DMXL1: variants seen among roughly 807,000 people sequenced by gnomAD.
The protein encoded by DMXL1 is dmX-like protein 1.
A neutral mutation model predicts 319.2 loss-of-function variants in DMXL1; 99 were observed. The observed-to-expected ratio is 0.31, with a 90% CI of 0.26 to 0.37. The LOEUF (loss-of-function observed/expected upper bound fraction) is 0.37, where lower values mean the gene tolerates loss of function less well. DMXL1 is among the 10% of genes least tolerant of loss of function. DMXL1 has a pLI of 1.00. For synonymous variants in DMXL1, 1,385 were observed against 1,235.2 expected (o/e 1.12, Z -2.54); for missense variants, 3,745 against 3,595.6 (o/e 1.04, Z -1.06).
chr5:119,196,450 C>T lies in DMXL1; in HGVS notation c.7537C>T (p.Leu2513Phe). Residue 2513 changes from leucine to phenylalanine, a missense_variant, in exon 31 of 44, where the codon CTT becomes TTT. Around this residue, in one of 4 missense-constraint regions of DMXL1, gnomAD observed 1,382 missense variants for 1,269.5 expected, o/e 1.09. Transcript: ENST00000539542. Reference sequence around the variant, plus strand: ...TTTTTATCCCTTCGCAGGTCATGATCTTGCAGGTAATAAATAGCTCAACAT... The same window carrying T: ...TTTTTATCCCTTCGCAGGTCATGATTTTGCAGGTAATAAATAGCTCAACAT... ...KTFYPFAGHD[L>F]AELPVSSPLC... The T allele has an allele frequency of 6.2e-7, 1 of 1,607,788 alleles. No homozygotes were observed. Among genetic ancestry groups the T allele is most frequent in the Non-Finnish European group, 8.5e-7 (1 of 1,177,060 alleles).
At chr5:119,110,015 C>A (rs1041867957) in intron 4 of DMXL1, 136 bp from the exon 5 acceptor site, 2 of 654,742 alleles carry the variant, frequency 3.1e-6, no homozygotes, top group Non-Finnish European at 5.1e-6. Flanking sequence ...AAAATACAGC[C>A]TTCTCCTCCG....
In DMXL1 at chr5:119,129,202, C is replaced by A; in HGVS notation, c.1103-9C>A. 1 of 1,519,164 alleles carries A rather than the reference C, an allele frequency of 6.6e-7. No homozygotes were observed. Among genetic ancestry groups the A allele is most frequent in the Non-Finnish European group, 8.9e-7 (1 of 1,126,410 alleles). 94.1% of individuals were successfully genotyped at this position (1,519,164 alleles called of 1,614,324 possible). A position where few individuals can be genotyped will look rare whatever the true frequency, so the allele number is the denominator to read the frequency against. On this transcript the variant is annotated splice_polypyrimidine_tract_variant and intron_variant, in intron 9 of 43. Transcript: ENST00000539542. ...AAAATTTTAATTTTATCTTTTTTTT[C>A]TCTTATAGACATTCCACTTCTTCCA... is the stretch of plus-strand genomic sequence containing the variant.
intron 28 of DMXL1, among the ~76,000 whole-genome samples, chr5:119,179,968 T>C (rs1466595172): frequency 6.6e-6 from 1 of 152,246 alleles, no homozygotes; most frequent in Non-Finnish European, 1.5e-5. Context: ...CCATTTGGTA[T>C]CTCACAACTA....
At chr5:119,144,899 T>C (rs926333808) in intron 15 of DMXL1, among the ~76,000 whole-genome samples, 1 of 151,716 alleles carries the variant, frequency 6.6e-6, no homozygotes, top group East Asian at 1.9e-4. Context: ...ATATGAGAGC[T>C]TTTTGCATGG....
intron 35 of DMXL1, among the ~76,000 whole-genome samples, 170 bp from the exon 36 acceptor site, chr5:119,220,302 C>T (rs189678094): frequency 3.3e-5 from 5 of 152,114 alleles, no homozygotes; most frequent in Non-Finnish European, 5.9e-5. Context: ...AGAACATAAA[C>T]GTATCTCCAA....
At chr5:119,179,784 A>G (rs1355686200) in intron 28 of DMXL1, among the ~76,000 whole-genome samples, 3 of 152,164 alleles carry the variant, frequency 2.0e-5, no homozygotes, top group Non-Finnish European at 4.4e-5. Context: ...TTACCTAGCT[A>G]GGACTCTCAT....
At chr5:119,157,268 C>T (rs549304423) in intron 19 of DMXL1, among the ~76,000 whole-genome samples, 34 of 152,312 alleles carry the variant, frequency 2.2e-4, no homozygotes, top group Admixed American at 5.9e-4. Context: ...TCCCAATCCA[C>T]GGCTTTTCTC....
At chr5:119,152,135 G>A in intron 19 of DMXL1, 99 bp downstream of exon 19, 2 of 719,836 alleles carry the variant, frequency 2.8e-6, no homozygotes, top group Non-Finnish European at 4.6e-6. Flanking sequence ...TGATAATGAT[G>A]ACATATTTAA....
At chr5:119,093,131 G>A (rs973489429) in intron 1 of DMXL1, among the ~76,000 whole-genome samples, 20 of 151,040 alleles carry the variant, frequency 1.3e-4, no homozygotes, top group Admixed American at 2.0e-4. Context: ...AGTTGCATGC[G>A]CTCACTTTGT....
At chr5:119,238,541 A>G (rs559986634) in intron 40 of DMXL1, among the ~76,000 whole-genome samples, 112 of 152,302 alleles carry the variant, frequency 7.4e-4, no homozygotes, top group African/African-American at 2.4e-3. Flanking sequence ...TTATTTAACA[A>G]AAGTCTGGTA....
At chr5:119,203,957 G>A (rs1368098766) in intron 33 of DMXL1, among the ~76,000 whole-genome samples, 1 of 151,968 alleles carries the variant, frequency 6.6e-6, no homozygotes, top group South Asian at 2.1e-4. Context: ...CGAGTAGCTG[G>A]GACTACAGGT....
At chr5:119,123,726 C>T (rs1029782962) in intron 9 of DMXL1, among the ~76,000 whole-genome samples, 1 of 18,704 alleles carries the variant, frequency 5.3e-5, no homozygotes, top group African/African-American at 2.1e-4. Context: ...AAACTCTTGG[C>T]CTCAAGCAAT....
At chr5:119,153,436 A>C (rs952545264) in intron 19 of DMXL1, among the ~76,000 whole-genome samples, 2 of 152,232 alleles carry the variant, frequency 1.3e-5, no homozygotes, top group Non-Finnish European at 2.9e-5. Context: ...TTGTGGTAAG[A>C]ATATTTGAAA....
At chr5:119,228,588 G>A (rs1029999529) in intron 38 of DMXL1, among the ~76,000 whole-genome samples, 1 of 152,070 alleles carries the variant, frequency 6.6e-6, no homozygotes, top group Non-Finnish European at 1.5e-5. Context: ...TGCTTCCCAT[G>A]CAATTTAACA....
intron 5 of DMXL1, among the ~76,000 whole-genome samples, chr5:119,111,108 C>T (rs1278720868): frequency 4.6e-5 from 7 of 152,016 alleles, no homozygotes; most frequent in Non-Finnish European, 2.9e-5. Context: ...TCTTTTATAG[C>T]AGGGAAAACT....
chr5:119,111,613 A>G (rs922398623), intron 5 of DMXL1, among the ~76,000 whole-genome samples: 1 of 152,222 alleles, frequency 6.6e-6, no homozygotes, highest in South Asian at 2.1e-4. Context: ...GATAGGAAAA[A>G]TTAATAGTTC....
chr5:119,199,377 C>T (rs1780256745), intron 32 of DMXL1, among the ~76,000 whole-genome samples: 1 of 152,186 alleles, frequency 6.6e-6, no homozygotes, highest in African/African-American at 2.4e-5. Flanking sequence ...CCAGCTCCAT[C>T]CATGTTCCCA....
chr5:119,090,559 GTTTTTTT>G (rs200712247), intron 1 of DMXL1, among the ~76,000 whole-genome samples: 1 of 118,464 alleles, frequency 8.4e-6, no homozygotes, highest in Non-Finnish European at 1.8e-5. Flanking sequence ...TTTCTCCTCT[GTTTTTTT>G]TTTTTTTTTC....
chr5:119,244,675 A>AAC, intron 43 of DMXL1, 99 bp downstream of exon 43: 2 of 795,868 alleles, frequency 2.5e-6, no homozygotes, highest in Non-Finnish European at 4.0e-6. Context: ...AATAATAGTT[A>AAC]TATTAATTCC....
Sources: gnomAD v4.1 joint callset for allele counts (sites outside exome capture counted in the v4.1 genomes callset) on GRCh38, gnomAD v4.1.1 for gene constraint, gnomAD v4.1.1 regional missense constraint, MANE v1.5 for transcripts, NCBI Gene and HGNC (gene_info 2026-07-23, HGNC 2026-07-21) for gene names.